The following CCL26 variants were observed in gnomAD, a reference collection of about 807,000 sequenced individuals.
CCL26 encodes the protein C-C motif chemokine 26.
A neutral mutation model predicts 10.7 loss-of-function variants in CCL26; 10 were observed. The ratio of observed to expected loss-of-function variants is 0.93; its 90% CI spans 0.57 to 1.58. CCL26 has a LOEUF of 1.58. Among genes scored for constraint, CCL26 ranks in the 40% most tolerant of loss-of-function variants. The pLI is 0.00. For synonymous variants in CCL26, 43 were observed against 41.4 expected (o/e 1.04, Z -0.15); for missense variants, 116 against 111.0 (o/e 1.05, Z -0.20).
At chr7:75,790,178 CCTTTCTTT>C (rs782115911), upstream of CCL26, among the ~76,000 whole-genome samples, 1 of 44,346 alleles carries the variant, frequency 2.3e-5, no homozygotes, top group East Asian at 6.1e-4. Flanking sequence ...TTCCTTCCTT[CCTTTCTTT>C]CTTTCTTTCT....
intron 2 of CCL26, among the ~76,000 whole-genome samples, 194 bp from the exon 3 acceptor site, chr7:75,769,983 T>C (rs1554527918): frequency 6.6e-6 from 1 of 152,254 alleles, no homozygotes; most frequent in African/African-American, 2.4e-5. Context: ...CTGGAAACTA[T>C]GCCTCCAGAC....
At chr7:75,777,823 C>A (rs1179618460) in intron 1 of CCL26, among the ~76,000 whole-genome samples, 3 of 137,046 alleles carry the variant, frequency 2.2e-5, no homozygotes, top group African/African-American at 8.0e-5. Context: ...CAAAACTAAT[C>A]TTTTTTTTTT....
chr7:75,781,960 G>C (rs1388744088), intron 1 of CCL26, among the ~76,000 whole-genome samples: 2 of 152,148 alleles, frequency 1.3e-5, no homozygotes, highest in Admixed American at 1.3e-4. Flanking sequence ...ACCCAGGTCA[G>C]TGGGACTCCT....
rs185325660 is a variant in CCL26, at chr7:75,780,362, A to G, written c.-78-8108T>C. ...TCTTTTCTCTGGGCTTGCCTCCTTCACTATGGACAACCTTCCACCCTCCAT... is the reference window on the plus strand; with the variant it reads ...TCTTTTCTCTGGGCTTGCCTCCTTCGCTATGGACAACCTTCCACCCTCCAT... On this transcript the variant is annotated intron_variant, in intron 1 of 3. Coordinates refer to the CCL26 transcript ENST00000394905. Among the ~76,000 whole-genome samples, 22 of 151,922 alleles carry G rather than the reference A, an allele frequency of 1.4e-4. No homozygotes were observed. The East Asian group carries it at 4.3e-3, about 30-fold the overall frequency.
intron 1 of CCL26, among the ~76,000 whole-genome samples, chr7:75,788,915 TC>T (rs148627983): frequency 0.027 from 4,081 of 151,796 alleles, 83 homozygotes; most frequent in South Asian, 0.11. Flanking sequence ...TGCATACCTT[TC>T]TTTTCTCTTT....
At chr7:75,772,251 G>C (rs193097222), upstream of CCL26, 2 of 1,083,722 alleles carry the variant, frequency 1.8e-6, no homozygotes, top group Admixed American at 4.6e-5. Context: ...AGACTGAGAC[G>C]GCCCTGAAAA....
At chr7:75,788,366 T>C (rs782396793) in intron 1 of CCL26, among the ~76,000 whole-genome samples, 10 of 151,704 alleles carry the variant, frequency 6.6e-5, no homozygotes, top group Non-Finnish European at 1.5e-4. Context: ...CTTGTGTCCC[T>C]CACCCCTGCC....
chr7:75,770,329 C>A (rs1435772701), intron 2 of CCL26, among the ~76,000 whole-genome samples: 7 of 152,162 alleles, frequency 4.6e-5, no homozygotes. Flanking sequence ...GTTGGCCTCC[C>A]AAAGTGCTGG....
Position 75,785,101 on chromosome 7 carries a change from G to A in CCL26, c.-79+4616C>T, listed in dbSNP as rs561230483. On this transcript the variant is annotated intron_variant, in intron 1 of 3. Transcript: ENST00000394905. ...CCAAATTGTTTTGCCTATCCACCCCGTAGTGCCCAACCCATACACTCTTTT... is the reference window on the plus strand; with the variant it reads ...CCAAATTGTTTTGCCTATCCACCCCATAGTGCCCAACCCATACACTCTTTT... Among the ~76,000 whole-genome samples, 19 of 152,072 alleles carry A rather than the reference G, an allele frequency of 1.2e-4. No homozygotes were observed. In the South Asian group the frequency reaches 2.7e-3, roughly 22 times the overall value.
At chr7:75,789,461 C>CTTTTTTT (rs35341116) in intron 1 of CCL26, among the ~76,000 whole-genome samples, 177 of 122,972 alleles carry the variant, frequency 1.4e-3, no homozygotes, top group African/African-American at 5.2e-3. Context: ...CTCTTTTTCT[C>CTTTTTTT]TTTTTTTTTT....
At chr7:75,784,156 C>T (rs1554529737) in intron 1 of CCL26, among the ~76,000 whole-genome samples, 1 of 152,226 alleles carries the variant, frequency 6.6e-6, no homozygotes, top group Non-Finnish European at 1.5e-5. Flanking sequence ...TGAACCGCAG[C>T]TGCCAGGGGT....
upstream of CCL26, among the ~76,000 whole-genome samples, chr7:75,790,699 T>C (rs1486495116): frequency 6.6e-6 from 1 of 152,126 alleles, no homozygotes; most frequent in African/African-American, 2.4e-5. Context: ...ATCCCAGCAC[T>C]GTGGGAGGCC....
At chr7:75,778,714 C>T (rs1297720308) in intron 1 of CCL26, among the ~76,000 whole-genome samples, 1 of 151,414 alleles carries the variant, frequency 6.6e-6, no homozygotes, top group African/African-American at 2.4e-5. Context: ...GCAACCTCTG[C>T]TTCCCAGGCT....
At chr7:75,789,441 A>G (rs1182524941) in intron 1 of CCL26, among the ~76,000 whole-genome samples, 2 of 147,166 alleles carry the variant, frequency 1.4e-5, no homozygotes, top group African/African-American at 5.0e-5. Context: ...TCTTCTGGGA[A>G]CATCCATTTC....
At chr7:75,787,540 G>A (rs1803224188) in intron 1 of CCL26, among the ~76,000 whole-genome samples, 1 of 151,196 alleles carries the variant, frequency 6.6e-6, no homozygotes, top group African/African-American at 2.4e-5. Context: ...AGCTACTCGG[G>A]AGGCTGAGGC....
intron 1 of CCL26, among the ~76,000 whole-genome samples, chr7:75,788,648 C>T (rs1554530316): frequency 6.6e-6 from 1 of 151,358 alleles, no homozygotes; most frequent in East Asian, 1.9e-4. Context: ...ATCCCTTGAA[C>T]TCGGGAGGTG....
intron 1 of CCL26, among the ~76,000 whole-genome samples, chr7:75,784,700 C>G (rs1305040297): frequency 6.6e-6 from 1 of 152,072 alleles, no homozygotes. Flanking sequence ...GAAATTTTAA[C>G]TAAATTATCT....
chr7:75,791,440 C>T (rs1360115645), upstream of CCL26, among the ~76,000 whole-genome samples: 1 of 152,152 alleles, frequency 6.6e-6, no homozygotes, highest in Non-Finnish European at 1.5e-5. Context: ...CCAGGCCCTT[C>T]CCTGTGGCTG....
In CCL26 at chr7:75,769,629, C is replaced by T. The variant is rs1179594348; in HGVS notation, c.*64G>A. 1.9e-6 allele frequency: 2 copies of T among 1,068,732 alleles called. No individual in the cohort carries two copies. The highest frequency in any genetic ancestry group is 2.9e-6 in the Non-Finnish European group (2 of 691,084). The allele number at this position is 1,068,732 out of a possible 1,614,324, so 66.2% of individuals were successfully genotyped here. A position where few individuals can be genotyped will look rare whatever the true frequency, so the allele number is the denominator to read the frequency against. ...TAGCCTTCAGAAAAGATTCCGCAGG[C>T]TCCCCAGAGGGCTGCAGAGCCAAGA... On this transcript the variant is annotated 3_prime_UTR_variant, in exon 3 of 3. Coordinates refer to ENST00000005180, the MANE Select transcript of CCL26 (RefSeq NM_001371938.1).
Sources: gnomAD v4.1 joint callset for allele counts (sites outside exome capture counted in the v4.1 genomes callset) on GRCh38, gnomAD v4.1.1 for gene constraint, MANE v1.5 for transcripts, NCBI Gene and HGNC (gene_info 2026-07-23, HGNC 2026-07-21) for gene names.